GRIA1: variants seen among roughly 807,000 people sequenced by gnomAD.
The protein encoded by GRIA1 is glutamate ionotropic receptor AMPA type subunit 1.
GRIA1 carries 31 observed loss-of-function variants against 99.2 expected under a neutral mutation model. That is an observed-to-expected ratio of 0.31 (90% CI 0.23 to 0.42). GRIA1 has a LOEUF of 0.42. GRIA1 is among the 10% of genes least tolerant of loss of function. GRIA1 has a pLI of 1.00. For synonymous variants in GRIA1, 438 were observed against 432.4 expected, an observed-to-expected ratio of 1.01 and a Z score of -0.16; for missense variants, 782 against 1,157.5, an observed-to-expected ratio of 0.68 and a Z score of 4.71.
intron 11 of GRIA1, among the ~76,000 whole-genome samples, chr5:153,735,820 C>T (rs1035607807): frequency 2.6e-5 from 4 of 152,054 alleles, no homozygotes; most frequent in African/African-American, 9.7e-5. Context: ...TTTTAGGTCT[C>T]AGTAATGCAA....
chr5:153,631,297 G>A (rs1405382084), intron 2 of GRIA1, among the ~76,000 whole-genome samples: 2 of 152,146 alleles, frequency 1.3e-5, no homozygotes, highest in Non-Finnish European at 2.9e-5. Context: ...CATGCCCCTG[G>A]TGAGTCAAAA....
chr5:153,492,354 C>G, intron 1 of GRIA1: 2 of 1,482,104 alleles, frequency 1.3e-6, no homozygotes, highest in African/African-American at 2.8e-5. Flanking sequence ...AACTTCCTGC[C>G]TTCAGGGGAG....
chr5:153,707,331 G>A (rs1445818226), intron 11 of GRIA1, among the ~76,000 whole-genome samples: 1 of 152,162 alleles, frequency 6.6e-6, no homozygotes, highest in African/African-American at 2.4e-5. Context: ...GGGTGGACAG[G>A]AGATGGGGGT....
chr5:153,777,306 G>A (rs1015828913), intron 13 of GRIA1, among the ~76,000 whole-genome samples: 3 of 152,110 alleles, frequency 2.0e-5, no homozygotes, highest in African/African-American at 7.2e-5. Flanking sequence ...GGAATAGGGG[G>A]ATGAATATGA....
chr5:153,544,920 C>A (rs768375163), intron 2 of GRIA1, among the ~76,000 whole-genome samples: 6 of 152,166 alleles, frequency 3.9e-5, no homozygotes, highest in Non-Finnish European at 5.9e-5. Flanking sequence ...AGACTGGATT[C>A]TGTGGTCTTA....
At chr5:153,552,031 G>A (rs1231686993) in intron 2 of GRIA1, among the ~76,000 whole-genome samples, 1 of 152,154 alleles carries the variant, frequency 6.6e-6, no homozygotes, top group East Asian at 1.9e-4. Flanking sequence ...CCAGTGTTTT[G>A]TGGGGTGAGG....
intron 2 of GRIA1, among the ~76,000 whole-genome samples, chr5:153,513,403 C>T (rs944310762): frequency 7.2e-5 from 11 of 152,120 alleles, no homozygotes; most frequent in Admixed American, 3.9e-4. Context: ...CCCCCGCCAA[C>T]GCAGATCCCC....
At chr5:153,572,445 T>G (rs1762192154) in intron 2 of GRIA1, among the ~76,000 whole-genome samples, 5 of 152,200 alleles carry the variant, frequency 3.3e-5, no homozygotes, top group Admixed American at 3.3e-4. Flanking sequence ...AGAGTTACTT[T>G]ACCTTTAGAT....
At position 153,650,816 on chromosome 5, in the gene GRIA1, T is replaced by C. The variant is rs191547828; in HGVS notation, c.645+302T>C. Among the ~76,000 whole-genome samples the C allele has an allele frequency of 1.7e-4, 25 of 148,422 alleles. No homozygotes were observed. In the Admixed American group the frequency reaches 1.7e-3, roughly 10 times the overall value. On this transcript the variant is annotated intron_variant, in intron 4 of 15. Coordinates refer to ENST00000285900, the MANE Select transcript of GRIA1 (RefSeq NM_000827.4). ...GCTCAGGCCTGTAATCTCAGCACTT[T>C]GGGAGACTGAGGCAGGCGGATCACC...
intron 11 of GRIA1, among the ~76,000 whole-genome samples, chr5:153,720,594 CA>C (rs2149539311): frequency 6.6e-6 from 1 of 152,278 alleles, no homozygotes; most frequent in African/African-American, 2.4e-5. Context: ...TTTGCATATC[CA>C]CCTGAGAAGT....
chr5:153,721,394 C>T (rs187867112), intron 11 of GRIA1, among the ~76,000 whole-genome samples: 65 of 152,114 alleles, frequency 4.3e-4, no homozygotes, highest in Middle Eastern at 3.4e-3. Context: ...AAATAAGACA[C>T]GAATTATAAA....
intron 14 of GRIA1, among the ~76,000 whole-genome samples, chr5:153,796,259 A>G (rs559318012): frequency 1.3e-5 from 2 of 152,204 alleles, no homozygotes; most frequent in South Asian, 4.1e-4. Flanking sequence ...AGAGGATTTA[A>G]TCCCACCCTG....
intron 15 of GRIA1, among the ~76,000 whole-genome samples, chr5:153,808,253 C>G (rs976160532): frequency 6.6e-6 from 1 of 152,030 alleles, no homozygotes; most frequent in Non-Finnish European, 1.5e-5. Context: ...AATATCAGTT[C>G]CAAAAACACC....
At chr5:153,623,813 G>A (rs1767303816) in intron 2 of GRIA1, among the ~76,000 whole-genome samples, 1 of 152,162 alleles carries the variant, frequency 6.6e-6, no homozygotes, top group Non-Finnish European at 1.5e-5. Context: ...CAATCAGAAG[G>A]ATTAAGAAGA....
intron 2 of GRIA1, among the ~76,000 whole-genome samples, chr5:153,589,451 C>T (rs1763774663): frequency 6.6e-6 from 1 of 152,108 alleles, no homozygotes; most frequent in African/African-American, 2.4e-5. Flanking sequence ...TGTTCCCACA[C>T]TTGCTTTGTA....
At chr5:153,775,753 C>CAAAAAA (rs34171571) in intron 13 of GRIA1, among the ~76,000 whole-genome samples, 1 of 118,534 alleles carries the variant, frequency 8.4e-6, no homozygotes, top group Non-Finnish European at 1.8e-5. Flanking sequence ...CAGAAACACT[C>CAAAAAA]AAAAAAAAAA....
intron 13 of GRIA1, among the ~76,000 whole-genome samples, chr5:153,789,946 G>T (rs949620297): frequency 2.6e-5 from 4 of 152,158 alleles, no homozygotes; most frequent in Non-Finnish European, 4.4e-5. Flanking sequence ...TCATGAAACA[G>T]CTCATTGATA....
intron 13 of GRIA1, 31 bp downstream of exon 13, chr5:153,770,446 TC>T: frequency 6.3e-7 from 1 of 1,596,078 alleles, no homozygotes; most frequent in Non-Finnish European, 8.6e-7. Flanking sequence ...TCCTTGGTAC[TC>T]CCTCTCCCCT....
At chr5:153,690,885 A>G (rs908690141) in intron 8 of GRIA1, among the ~76,000 whole-genome samples, 12 of 152,202 alleles carry the variant, frequency 7.9e-5, no homozygotes, top group Non-Finnish European at 1.8e-4. Flanking sequence ...TTTTTACTCA[A>G]TCAGCCTCCT....
Sources: gnomAD v4.1 joint callset for allele counts (sites outside exome capture counted in the v4.1 genomes callset) on GRCh38, gnomAD v4.1.1 for gene constraint, MANE v1.5 for transcripts, NCBI Gene and HGNC (gene_info 2026-07-23, HGNC 2026-07-21) for gene names.